KCNH5: variants seen among roughly 807,000 people sequenced by gnomAD.
KCNH5 encodes the protein voltage-gated delayed rectifier potassium channel KCNH5.
KCNH5 carries 46 observed loss-of-function variants against 96.1 expected under a neutral mutation model. That is an observed-to-expected ratio of 0.48 (90% CI 0.38 to 0.61). The LOEUF (loss-of-function observed/expected upper bound fraction) is 0.61. Among genes scored for constraint, KCNH5 ranks in the 20% least tolerant of loss-of-function variants. The pLI is 0.00. For synonymous variants in KCNH5, 439 were observed against 449.8 expected (o/e 0.98, Z 0.30); for missense variants, 907 against 1,225.8 (o/e 0.74, Z 3.88).
At chr14:62,901,437 A>G (rs1014595749) in intron 7 of KCNH5, among the ~76,000 whole-genome samples, 1 of 152,018 alleles carries the variant, frequency 6.6e-6, no homozygotes, top group Non-Finnish European at 1.5e-5. Flanking sequence ...GTCCATGAGT[A>G]CCCAATGTTT....
intron 7 of KCNH5, among the ~76,000 whole-genome samples, chr14:62,881,437 A>G (rs2140076309): frequency 6.6e-6 from 1 of 152,268 alleles, no homozygotes; most frequent in South Asian, 2.1e-4. Context: ...AGTGGGAACT[A>G]AATGATGAGA....
chr14:62,950,006 C>A (rs1595696778), intron 7 of KCNH5, 127 bp downstream of exon 7: 1 of 738,368 alleles, frequency 1.4e-6, no homozygotes, highest in Non-Finnish European at 2.2e-6. Context: ...TTAAAAAAAA[C>A]AATTGCAAAT....
At chr14:62,992,235 G>C (rs1270052732) in intron 4 of KCNH5, among the ~76,000 whole-genome samples, 1 of 152,018 alleles carries the variant, frequency 6.6e-6, no homozygotes, top group Non-Finnish European at 1.5e-5. Context: ...TCCACTGATG[G>C]ATAATTAGAT....
At chr14:62,885,158 AT>A (rs1185208775) in intron 7 of KCNH5, among the ~76,000 whole-genome samples, 2 of 152,132 alleles carry the variant, frequency 1.3e-5, no homozygotes, top group Non-Finnish European at 2.9e-5. Context: ...AATCCCACCA[AT>A]TTTTTTAAAA....
intron 6 of KCNH5, among the ~76,000 whole-genome samples, chr14:62,951,313 C>A (rs1165333774): frequency 6.6e-6 from 1 of 152,202 alleles, no homozygotes; most frequent in Admixed American, 6.5e-5. Flanking sequence ...CAAATCAAAG[C>A]ACAGCATAGG....
intron 10 of KCNH5, among the ~76,000 whole-genome samples, chr14:62,727,907 T>G (rs924785062): frequency 2.0e-5 from 3 of 150,778 alleles, no homozygotes; most frequent in African/African-American, 4.9e-5. Context: ...TTAATCAACA[T>G]GACTAGCTTG....
At chr14:62,770,637 A>C (rs11158453) in intron 10 of KCNH5, among the ~76,000 whole-genome samples, 74,031 of 151,950 alleles carry the variant, frequency 0.49, 19,860 homozygotes, top group South Asian at 0.78. Context: ...TCTAAGTTTA[A>C]ATAGCAATCC....
chr14:62,922,838 A>G (rs888700762), intron 7 of KCNH5, among the ~76,000 whole-genome samples: 1 of 151,970 alleles, frequency 6.6e-6, no homozygotes, highest in African/African-American at 2.4e-5. Flanking sequence ...AGCTAACATT[A>G]TATTCAACGG....
intron 1 of KCNH5, among the ~76,000 whole-genome samples, chr14:63,026,908 G>T (rs1031940609): frequency 6.6e-6 from 1 of 151,984 alleles, no homozygotes; most frequent in African/African-American, 2.4e-5. Flanking sequence ...CATGCTCATG[G>T]TTATTGCTCC....
chr14:62,937,235 C>G (rs1049198153), intron 7 of KCNH5, among the ~76,000 whole-genome samples: 1 of 152,106 alleles, frequency 6.6e-6, no homozygotes, highest in African/African-American at 2.4e-5. Context: ...TTTTGCTGGT[C>G]TTACCGTATG....
intron 7 of KCNH5, among the ~76,000 whole-genome samples, chr14:62,852,684 A>G (rs942643819): frequency 2.6e-5 from 4 of 151,894 alleles, no homozygotes; most frequent in Non-Finnish European, 4.4e-5. Context: ...ATATAGATTC[A>G]TGTCATTTAC....
chr14:63,014,071 A>G (rs988756510), intron 2 of KCNH5, among the ~76,000 whole-genome samples: 1 of 152,188 alleles, frequency 6.6e-6, no homozygotes. Flanking sequence ...TAGGTTAACA[A>G]AACACATCTG....
rs370716114 is a variant in KCNH5, at chr14:62,948,822, G to A, written c.1369+1311C>T. 3.3e-4 allele frequency among the ~76,000 whole-genome samples: 47 copies of A among 144,076 alleles called. No individual in the cohort carries two copies. In the East Asian group the frequency reaches 8.7e-3, roughly 27 times the overall value. 94.5% of individuals were successfully genotyped at this position (144,076 alleles called of 152,430 possible). ...AAAGCTTATCCACCATGATCAAGTG[G>A]GCTTCATCCCTGGGATGCAAGGCTG... On this transcript the variant is annotated intron_variant, in intron 7 of 10. Transcript: ENST00000322893.
At chr14:62,932,873 A>G (rs2140117030) in intron 7 of KCNH5, among the ~76,000 whole-genome samples, 1 of 152,304 alleles carries the variant, frequency 6.6e-6, no homozygotes, top group East Asian at 1.9e-4. Context: ...TTAAATCTCT[A>G]CCCAGACAAG....
intron 9 of KCNH5, among the ~76,000 whole-genome samples, chr14:62,794,213 T>C (rs1045564516): frequency 2.6e-5 from 4 of 152,064 alleles, no homozygotes; most frequent in South Asian, 2.1e-4. Flanking sequence ...TTGTAACGTA[T>C]ACTGTTATGG....
intron 1 of KCNH5, among the ~76,000 whole-genome samples, chr14:63,025,267 T>A (rs1891503520): frequency 6.6e-6 from 1 of 151,994 alleles, no homozygotes; most frequent in East Asian, 1.9e-4. Flanking sequence ...AGCTCTAACA[T>A]CATACTCAAT....
intron 2 of KCNH5, among the ~76,000 whole-genome samples, chr14:63,013,647 A>G (rs1467851850): frequency 2.6e-5 from 4 of 152,070 alleles, no homozygotes; most frequent in Non-Finnish European, 5.9e-5. Flanking sequence ...AAGAAATGGG[A>G]AAAAAGCGAT....
At chr14:62,924,412 G>A (rs1332291022) in intron 7 of KCNH5, among the ~76,000 whole-genome samples, 1 of 151,860 alleles carries the variant, frequency 6.6e-6, no homozygotes, top group Non-Finnish European at 1.5e-5. Context: ...ACCGTATGGA[G>A]GTTCCTCAAA....
chr14:62,945,416 G>A (rs896068160), intron 7 of KCNH5, among the ~76,000 whole-genome samples: 2 of 152,082 alleles, frequency 1.3e-5, no homozygotes, highest in Admixed American at 1.3e-4. Context: ...TAACTGGGAT[G>A]GATTCAAGGA....
Sources: gnomAD v4.1 joint callset for allele counts (sites outside exome capture counted in the v4.1 genomes callset) on GRCh38, gnomAD v4.1.1 for gene constraint, MANE v1.5 for transcripts, NCBI Gene and HGNC (gene_info 2026-07-23, HGNC 2026-07-21) for gene names.